Variants in SRC observed in about 807,000 individuals in gnomAD.
SRC encodes SRC proto-oncogene, non-receptor tyrosine kinase.
A neutral mutation model predicts 62.9 loss-of-function variants in SRC; 13 were observed. The ratio of observed to expected loss-of-function variants is 0.21; its 90% CI spans 0.13 to 0.33. The LOEUF (loss-of-function observed/expected upper bound fraction) is 0.33, where lower values mean the gene tolerates loss of function less well. Among genes scored for constraint, SRC ranks in the 10% least tolerant of loss-of-function variants. SRC has a pLI of 1.00. For missense variants in SRC, 457 were observed against 737.3 expected, an observed-to-expected ratio of 0.62 and a Z score of 4.40; for synonymous variants, 302 against 317.5, an observed-to-expected ratio of 0.95 and a Z score of 0.52.
At chr20:37,373,269 C>T (rs111166596) in intron 2 of SRC, among the ~76,000 whole-genome samples, 32,875 of 77,130 alleles carry the variant, frequency 0.43, 5,121 homozygotes, top group African/African-American at 0.59. Context: ...TGTACATACG[C>T]ACACACACAC....
At chr20:37,353,993 T>G (rs956962107) in intron 1 of SRC, among the ~76,000 whole-genome samples, 1 of 152,226 alleles carries the variant, frequency 6.6e-6, no homozygotes, top group African/African-American at 2.4e-5. Context: ...GGATGAAGTC[T>G]TGTGTCCAAC....
At chr20:37,345,776 G>A (rs772096081), upstream of SRC, among the ~76,000 whole-genome samples, 2 of 151,934 alleles carry the variant, frequency 1.3e-5, no homozygotes, top group Non-Finnish European at 1.5e-5. Context: ...ATTACCAATC[G>A]TGATTTCGGG....
Position 37,367,095 on chromosome 20 carries a change from ATTTTTTT to A in SRC, c.-173+1832_-173+1838del, listed in dbSNP as rs770197409. On this transcript the variant is annotated intron_variant, in intron 2 of 13. Transcript: ENST00000373578. ...GAAGTGGCATCTCATTGTGGTTTTG[ATTTTTTT>A]TTTTTTTTTTTTTGAGACAGGGTCT... Among the ~76,000 whole-genome samples the A allele has an allele frequency of 7.2e-5, 9 of 125,390 alleles. No homozygotes were observed. In the South Asian group the frequency reaches 1.5e-3, roughly 21 times the overall value. 82.3% of individuals were successfully genotyped at this position (125,390 alleles called of 152,430 possible). A position where few individuals can be genotyped will look rare whatever the true frequency, so the allele number is the denominator to read the frequency against.
chr20:37,373,119 CATATGT>C (rs2070196796), intron 2 of SRC, among the ~76,000 whole-genome samples: 1 of 149,778 alleles, frequency 6.7e-6, no homozygotes, highest in African/African-American at 2.5e-5. Flanking sequence ...TGTACACACA[CATATGT>C]ACATATATAC....
chr20:37,378,519 G>T (rs1308999718), intron 2 of SRC, among the ~76,000 whole-genome samples: 1 of 152,144 alleles, frequency 6.6e-6, no homozygotes, highest in Non-Finnish European at 1.5e-5. Flanking sequence ...AATATGCCCA[G>T]AGGAGATTCT....
At chr20:37,395,233 C>T (rs1476550760) in intron 7 of SRC, among the ~76,000 whole-genome samples, 1 of 152,250 alleles carries the variant, frequency 6.6e-6, no homozygotes, top group African/African-American at 2.4e-5. Flanking sequence ...CTGGCCACTT[C>T]CCTCTCTGGA....
Position 37,403,123 on chromosome 20 carries a change from C to A in SRC, c.1403-48C>A, listed in dbSNP as rs779820063. ...CCCTCCCCATCAGCTTCCCCCACCCCACTTTCCTCACCGGAGCCGGGCTCC... is the reference window on the plus strand; with the variant it reads ...CCCTCCCCATCAGCTTCCCCCACCCAACTTTCCTCACCGGAGCCGGGCTCC... On this transcript the variant is annotated intron_variant, in intron 13 of 13. Transcript: ENST00000373578. This position sits in a 1 kb window ranked among gnomAD's most constrained non-coding sequence, Gnocchi z 7.1. 172 of 1,488,546 alleles carry A rather than the reference C, an allele frequency of 1.2e-4. 1 individual carries two copies. Among genetic ancestry groups the A allele is most frequent in the Middle Eastern group, 4.8e-4 (2 of 4,176 alleles). The allele number at this position is 1,488,546 out of a possible 1,614,324, so 92.2% of individuals were successfully genotyped here.
At position 37,397,619 on chromosome 20, in the gene SRC, T is replaced by C. The variant is rs917620105; in HGVS notation, c.704-80T>C. On this transcript the variant is annotated intron_variant, in intron 8 of 13. Coordinates refer to ENST00000373578, the MANE Select transcript of SRC (RefSeq NM_198291.3). This position sits in a 1 kb window ranked among gnomAD's most constrained non-coding sequence, Gnocchi z 4.1. The stretch of plus-strand genomic sequence containing the variant: ...CCCTGAAATCTGTGTGCATCTGGCA[T>C]GTAGGGCGACACACACTGAGGGGCA... 7.2e-5 allele frequency: 104 copies of C among 1,450,244 alleles called. No homozygotes were observed. The highest frequency in any genetic ancestry group is 8.7e-5 in the Non-Finnish European group (96 of 1,099,014). 89.8% of individuals were successfully genotyped at this position (1,450,244 alleles called of 1,614,324 possible). A position where few individuals can be genotyped will look rare whatever the true frequency, so the allele number is the denominator to read the frequency against.
At chr20:37,379,768 T>G (rs1600990514) in intron 2 of SRC, among the ~76,000 whole-genome samples, 1 of 139,442 alleles carries the variant, frequency 7.2e-6, no homozygotes. Flanking sequence ...TGGTATTCGG[T>G]GACTGTAATC....
chr20:37,382,974 G>A (rs2070387448), intron 3 of SRC, among the ~76,000 whole-genome samples, 188 bp downstream of exon 3: 2 of 152,172 alleles, frequency 1.3e-5, no homozygotes, highest in Admixed American at 6.5e-5. Flanking sequence ...GACCTCCCAG[G>A]TTTCTGGCTC....
chr20:37,401,262 C>G (rs912704259), intron 10 of SRC, among the ~76,000 whole-genome samples: 1 of 152,138 alleles, frequency 6.6e-6, no homozygotes, highest in African/African-American at 2.4e-5. Context: ...CTCGGCCTCC[C>G]ACAGTGCTGG....
At position 37,398,979 on chromosome 20, in the gene SRC, C is replaced by A. The variant is rs1052300905; in HGVS notation, c.859+1125C>A. On this transcript the variant is annotated intron_variant, in intron 9 of 13. Coordinates refer to ENST00000373578, the MANE Select transcript of SRC (RefSeq NM_198291.3). The surrounding 1 kb of genome is among the most constrained non-coding windows in gnomAD (Gnocchi z 5.2). ...GGCCCAAGGTCACACATCAAAGGAA[C>A]CTCGAGGCCCACTGGGACAAGAACC... 1.3e-5 allele frequency among the ~76,000 whole-genome samples: 2 copies of A among 152,214 alleles called. No individual in the cohort carries two copies. The highest frequency in any genetic ancestry group is 1.3e-4 in the Admixed American group (2 of 15,284).
intron 9 of SRC, 32 bp from the exon 10 acceptor site, chr20:37,400,083 C>A: frequency 1.3e-6 from 2 of 1,557,072 alleles, no homozygotes; most frequent in Non-Finnish European, 1.7e-6. Flanking sequence ...TTGGGGGGCT[C>A]CACTGAGTCA....
Position 37,404,901 on chromosome 20 carries a change from T to TGC in SRC, c.*1524_*1525dup, listed in dbSNP as rs2070802776. The TGC allele has an allele frequency of 8.6e-6, 2 of 233,768 alleles. No individual in the cohort carries two copies. The highest frequency in any genetic ancestry group is 2.2e-5 in the African/African-American group (1 of 45,348). The allele number at this position is 233,768 out of a possible 1,614,324, so 14.5% of individuals were successfully genotyped here. On this transcript the variant is annotated 3_prime_UTR_variant, in exon 14 of 14. Transcript: ENST00000373578. Reference sequence around the variant, plus strand: ...GTGTGTGTGTATGTGTGTGCATGTGTGCGTGTCTCCATGTGCGTCCATATT... The same window carrying TGC: ...GTGTGTGTGTATGTGTGTGCATGTGTGCGCGTGTCTCCATGTGCGTCCATATT...
Position 37,369,783 on chromosome 20 carries a change from TTTTCTTTTC to T in SRC, c.-173+4519_-173+4527del, listed in dbSNP as rs1396506894. ...TTAGCTCTGGGGTTTTCTTTTTCTT[TTTTCTTTTC>T]TTTCTTTTCTTTTTCTTTTTTTTTA... is the stretch of plus-strand genomic sequence containing the variant. On this transcript the variant is annotated intron_variant, in intron 2 of 13. Transcript: ENST00000373578. Among the ~76,000 whole-genome samples, 6 of 152,078 alleles carry T rather than the reference TTTTCTTTTC, an allele frequency of 3.9e-5. No individual in the cohort carries two copies. The East Asian group carries it at 9.6e-4, about 24-fold the overall frequency.
At chr20:37,389,725 G>A (rs144179156) in intron 5 of SRC, among the ~76,000 whole-genome samples, 145 of 152,326 alleles carry the variant, frequency 9.5e-4, no homozygotes, top group Non-Finnish European at 1.8e-3. Context: ...ACCCTGGCTG[G>A]CCCCAAGGAT....
intron 2 of SRC, among the ~76,000 whole-genome samples, chr20:37,371,842 CA>C (rs56722639): frequency 0.27 from 40,771 of 151,926 alleles, 7,943 homozygotes; most frequent in African/African-American, 0.56. Context: ...GCTGGGATTA[CA>C]AGGCACCTGC....
Position 37,402,607 on chromosome 20 carries a change from G to T in SRC, c.1270+19G>T. ...CGGCAAGGTGGGCAGGGGCTGTGTG[G>T]TATGTCGCGCTTGGCCTGGGACAGG... is the stretch of plus-strand genomic sequence containing the variant. On this transcript the variant is annotated intron_variant, in intron 12 of 13. Transcript: ENST00000373578. This position sits in a 1 kb window ranked among gnomAD's most constrained non-coding sequence, Gnocchi z 6.2. 6.2e-7 allele frequency: 1 copy of T among 1,601,346 alleles called. No individual in the cohort carries two copies. Among genetic ancestry groups the T allele is most frequent in the African/African-American group, 1.3e-5 (1 of 74,760 alleles).
At chr20:37,352,856 C>T (rs948247062) in intron 1 of SRC, among the ~76,000 whole-genome samples, 1 of 152,176 alleles carries the variant, frequency 6.6e-6, no homozygotes, top group South Asian at 2.1e-4. Context: ...CCTGGTGTGC[C>T]CTCCCTCTCA....
Sources: allele counts gnomAD v4.1 joint callset (sites outside exome capture counted in the v4.1 genomes callset), GRCh38; gene constraint gnomAD v4.1.1; non-coding constraint Gnocchi (gnomAD v3.1); transcripts MANE v1.5; gene names NCBI Gene and HGNC (gene_info 2026-07-23, HGNC 2026-07-21).